The following RELN variants were observed in gnomAD, a reference collection of about 807,000 sequenced individuals.
RELN encodes the protein reelin.
A neutral mutation model predicts 427.6 loss-of-function variants in RELN; 108 were observed. That is an observed-to-expected ratio of 0.25 (90% CI 0.22 to 0.30). RELN has a LOEUF of 0.30. Among genes scored for constraint, RELN ranks in the 10% least tolerant of loss-of-function variants. RELN has a pLI of 1.00. For missense variants in RELN, 3,715 were observed against 4,302.8 expected (o/e 0.86, Z 3.82); for synonymous variants, 1,524 against 1,513.4 (o/e 1.01, Z -0.16).
chr7:103,895,572 T>G (rs1794942243), intron 2 of RELN, among the ~76,000 whole-genome samples: 1 of 152,096 alleles, frequency 6.6e-6, no homozygotes, highest in Admixed American at 6.6e-5. Flanking sequence ...TGAAAAACTT[T>G]TAAGTGTAAA....
intron 3 of RELN, among the ~76,000 whole-genome samples, chr7:103,816,208 A>G (rs886468309): frequency 2.6e-4 from 39 of 152,080 alleles, no homozygotes; most frequent in African/African-American, 9.2e-4. Context: ...GTGAAACCCC[A>G]GCTCTAGTAA....
intron 2 of RELN, among the ~76,000 whole-genome samples, chr7:103,916,409 A>G (rs1220266197): frequency 6.6e-6 from 1 of 152,158 alleles, no homozygotes; most frequent in Admixed American, 6.6e-5. Flanking sequence ...TTAAGTTTGC[A>G]TTTTTGATGC....
At chr7:103,895,760 T>C (rs1029377044) in intron 2 of RELN, among the ~76,000 whole-genome samples, 1 of 152,000 alleles carries the variant, frequency 6.6e-6, no homozygotes, top group African/African-American at 2.4e-5. Flanking sequence ...ACCTGGAGCA[T>C]ACGTTAAAAA....
At chr7:103,693,775 G>T (rs1286596604) in intron 10 of RELN, among the ~76,000 whole-genome samples, 1 of 152,066 alleles carries the variant, frequency 6.6e-6, no homozygotes, top group Non-Finnish European at 1.5e-5. Context: ...CCCTTTGGAT[G>T]ATCCTTGGTT....
intron 11 of RELN, 150 bp downstream of exon 11, chr7:103,681,966 G>A (rs894744478): frequency 2.5e-5 from 19 of 773,256 alleles, no homozygotes; most frequent in African/African-American, 8.6e-5. Flanking sequence ...AATCTTTAGG[G>A]TAAGTGCACC....
intron 19 of RELN, among the ~76,000 whole-genome samples, chr7:103,631,636 T>G (rs1453142927): frequency 6.6e-6 from 1 of 152,184 alleles, no homozygotes; most frequent in Non-Finnish European, 1.5e-5. Context: ...ATAATACATT[T>G]ATGAGTTTTA....
rs747781226 is a variant in RELN at position 103,498,067 on chromosome 7, A to T, written c.8843+10T>A. ...GTGCAATAGAAATAACTAACAAAAA[A>T]TTCACTTACTTTGCACCTCGAAGAT... On this transcript the variant is annotated intron_variant, in intron 54 of 64. Coordinates refer to ENST00000428762, the MANE Select transcript of RELN (RefSeq NM_005045.4). 1.2e-6 allele frequency: 2 copies of T among 1,613,846 alleles called. No individual in the cohort carries two copies. The highest frequency in any genetic ancestry group is 2.7e-5 in the African/African-American group (2 of 74,922).
intron 29 of RELN, 116 bp downstream of exon 29, chr7:103,575,432 T>C (rs1356438273): frequency 8.1e-7 from 1 of 1,232,082 alleles, no homozygotes; most frequent in African/African-American, 1.5e-5. Context: ...CTACAATTCC[T>C]AGACTTAAAG....
chr7:103,829,096 A>G (rs952251994), intron 3 of RELN, among the ~76,000 whole-genome samples: 24 of 152,022 alleles, frequency 1.6e-4, no homozygotes, highest in African/African-American at 5.8e-4. Context: ...AAACTGAGAT[A>G]ATAATAGTAC....
intron 25 of RELN, among the ~76,000 whole-genome samples, chr7:103,595,289 T>C (rs1584327879): frequency 6.6e-6 from 1 of 152,196 alleles, no homozygotes; most frequent in Non-Finnish European, 1.5e-5. Context: ...CCATTATCAA[T>C]TCCCTCTCTA....
intron 4 of RELN, among the ~76,000 whole-genome samples, chr7:103,762,298 A>C (rs1334881968): frequency 6.6e-6 from 1 of 152,174 alleles, no homozygotes; most frequent in Non-Finnish European, 1.5e-5. Flanking sequence ...CCAGCCCTAG[A>C]CCATCTATCT....
At chr7:103,778,167 C>G (rs1041424239) in intron 3 of RELN, among the ~76,000 whole-genome samples, 4 of 152,022 alleles carry the variant, frequency 2.6e-5, no homozygotes, top group Admixed American at 6.5e-5. Context: ...AGGGCCAATC[C>G]AAGCCATAAA....
intron 2 of RELN, among the ~76,000 whole-genome samples, chr7:103,848,456 C>T (rs541159302): frequency 1.4e-4 from 21 of 152,262 alleles, no homozygotes; most frequent in African/African-American, 4.3e-4. Context: ...ATGTCCACCC[C>T]ACCATGGGAC....
intron 2 of RELN, among the ~76,000 whole-genome samples, chr7:103,881,499 C>CTTTA (rs1563068448): frequency 2.0e-5 from 3 of 152,146 alleles, no homozygotes; most frequent in Non-Finnish European, 4.4e-5. Flanking sequence ...TGCACCCCTT[C>CTTTA]TTGCTGCCCC....
intron 2 of RELN, among the ~76,000 whole-genome samples, chr7:103,913,948 G>A (rs1795424804): frequency 2.6e-5 from 4 of 152,172 alleles, no homozygotes; most frequent in Admixed American, 2.0e-4. Flanking sequence ...AGGATCTAGT[G>A]TAAGACCTGA....
chr7:103,545,355 G>GGAC lies in RELN; in HGVS notation c.6303-14_6303-12dup. 1.3e-6 allele frequency: 2 copies of GGAC among 1,590,990 alleles called. No individual in the cohort carries two copies. Among genetic ancestry groups the GGAC allele is most frequent in the Non-Finnish European group, 1.7e-6 (2 of 1,159,284 alleles). ...CTGAAACGGACAGATCTGGAAAAGA[G>GGAC]GACAAGTCTTTCAAAAGCTAATCAA... On this transcript the variant is annotated splice_polypyrimidine_tract_variant and intron_variant, in intron 41 of 64. Transcript: ENST00000428762.
chr7:103,483,973 G>T, intron 61 of RELN, 123 bp from the exon 62 acceptor site: 1 of 944,490 alleles, frequency 1.1e-6, no homozygotes, highest in East Asian at 2.6e-5. Flanking sequence ...TCTGCCTACT[G>T]GGTTCAAGCG....
intron 1 of RELN, among the ~76,000 whole-genome samples, chr7:103,955,960 A>G (rs1796424077): frequency 6.6e-6 from 1 of 152,130 alleles, no homozygotes; most frequent in African/African-American, 2.4e-5. Flanking sequence ...TGCAGCTTCC[A>G]TTCTTTCTAA....
At chr7:103,771,563 G>A (rs1791570020) in intron 4 of RELN, among the ~76,000 whole-genome samples, 1 of 152,164 alleles carries the variant, frequency 6.6e-6, no homozygotes, top group Non-Finnish European at 1.5e-5. Flanking sequence ...CTCCCTCAGA[G>A]CCAACATGTG....
Sources: allele counts gnomAD v4.1 joint callset (sites outside exome capture counted in the v4.1 genomes callset), GRCh38; gene constraint gnomAD v4.1.1; transcripts MANE v1.5; gene names NCBI Gene and HGNC (gene_info 2026-07-23, HGNC 2026-07-21).